RBMS3: variants seen among roughly 807,000 people sequenced by gnomAD.
The protein encoded by RBMS3 is RNA binding motif single stranded interacting protein 3.
In RBMS3, 27 loss-of-function variants were observed where a neutral mutation model predicts 66.8. The observed-to-expected ratio is 0.40, with a 90% CI of 0.30 to 0.56. The LOEUF is 0.56. Among genes scored for constraint, RBMS3 ranks in the 20% least tolerant of loss-of-function variants. RBMS3 has a pLI of 0.40. For synonymous variants in RBMS3, 188 were observed against 183.0 expected, an observed-to-expected ratio of 1.03 and a Z score of -0.22; for missense variants, 513 against 549.5, an observed-to-expected ratio of 0.93 and a Z score of 0.66.
chr3:29,702,351 G>T lies in RBMS3; in HGVS notation c.400-37369G>T, dbSNP rs1420381528. Among the ~76,000 whole-genome samples the T allele has an allele frequency of 5.3e-5, 8 of 152,304 alleles. No homozygotes were observed. The East Asian group carries it at 7.7e-4, about 15-fold the overall frequency. ...TTGTAAACACACCAATCAGCACCCT[G>T]TCAAAACAGACCAATCAGCTCTCTG... On this transcript the variant is annotated intron_variant, in intron 4 of 14. Coordinates refer to ENST00000383767, the MANE Select transcript of RBMS3 (RefSeq NM_001003793.3).
chr3:29,605,815 CT>C (rs575901324), intron 4 of RBMS3, among the ~76,000 whole-genome samples: 215 of 151,798 alleles, frequency 1.4e-3, no homozygotes, highest in African/African-American at 4.8e-3. Flanking sequence ...GATTTGTGTC[CT>C]TTTGTACTAA....
intron 4 of RBMS3, among the ~76,000 whole-genome samples, chr3:29,624,064 C>T (rs1310799027): frequency 6.6e-6 from 1 of 152,138 alleles, no homozygotes; most frequent in East Asian, 1.9e-4. Flanking sequence ...ACACTGATAT[C>T]GAACTTGAAC....
At chr3:29,602,824 G>A (rs9855561) in intron 4 of RBMS3, among the ~76,000 whole-genome samples, 22,186 of 151,788 alleles carry the variant, frequency 0.15, 1,858 homozygotes, top group East Asian at 0.32. Flanking sequence ...ATAACCTATT[G>A]CTTGCATTCA....
chr3:29,446,347 T>A (rs1360890366), intron 2 of RBMS3, among the ~76,000 whole-genome samples: 1 of 152,160 alleles, frequency 6.6e-6, no homozygotes, highest in Admixed American at 6.5e-5. Context: ...TTAAATAAAA[T>A]TCACCTGTAA....
At chr3:29,399,841 C>T (rs2039728866) in intron 1 of RBMS3, among the ~76,000 whole-genome samples, 1 of 152,048 alleles carries the variant, frequency 6.6e-6, no homozygotes, top group Non-Finnish European at 1.5e-5. Context: ...AGGACAATGG[C>T]TAAATCAGCT....
intron 4 of RBMS3, among the ~76,000 whole-genome samples, chr3:29,722,288 A>G (rs951653525): frequency 6.6e-6 from 1 of 152,108 alleles, no homozygotes; most frequent in African/African-American, 2.4e-5. Context: ...ACGTACTAAC[A>G]TCTCTTACAT....
intron 6 of RBMS3, among the ~76,000 whole-genome samples, chr3:29,822,865 G>A (rs1209637319): frequency 6.6e-6 from 1 of 151,936 alleles, no homozygotes; most frequent in African/African-American, 2.4e-5. Context: ...TAGGGTTAGT[G>A]GTAAGAAATA....
intron 2 of RBMS3, among the ~76,000 whole-genome samples, chr3:29,478,642 T>C (rs1375736135): frequency 6.6e-6 from 1 of 152,252 alleles, no homozygotes; most frequent in Non-Finnish European, 1.5e-5. Context: ...TGGTTACATA[T>C]GTTGCAGATT....
At chr3:29,884,942 T>C (rs1432299919) in intron 8 of RBMS3, among the ~76,000 whole-genome samples, 2 of 151,990 alleles carry the variant, frequency 1.3e-5, no homozygotes, top group African/African-American at 4.8e-5. Context: ...GTTGTCTGTC[T>C]TTCAGTCTCA....
At chr3:29,462,157 A>G (rs139015086) in intron 2 of RBMS3, among the ~76,000 whole-genome samples, 76 of 152,004 alleles carry the variant, frequency 5.0e-4, no homozygotes, top group African/African-American at 1.8e-3. Context: ...GAAGAATTAT[A>G]CTCATGGAAG....
At chr3:29,297,131 C>A (rs1378050724) in intron 1 of RBMS3, among the ~76,000 whole-genome samples, 2 of 151,642 alleles carry the variant, frequency 1.3e-5, no homozygotes, top group Non-Finnish European at 3.0e-5. Context: ...TTTGATTCTA[C>A]AACTTGCTTT....
intron 3 of RBMS3, among the ~76,000 whole-genome samples, chr3:29,563,083 G>T (rs976035209): frequency 1.3e-5 from 2 of 152,176 alleles, no homozygotes; most frequent in African/African-American, 4.8e-5. Flanking sequence ...ATGGTCTCCT[G>T]TGATTCTGGC....
chr3:29,998,471 C>T (rs1480362161), intron 14 of RBMS3, among the ~76,000 whole-genome samples: 1 of 151,670 alleles, frequency 6.6e-6, no homozygotes, highest in East Asian at 1.9e-4. Flanking sequence ...AATCCTAAGC[C>T]AAAAGAACAA....
At chr3:29,488,620 C>T (rs967167681) in intron 3 of RBMS3, 121 bp downstream of exon 3, 1 of 707,808 alleles carries the variant, frequency 1.4e-6, no homozygotes, top group African/African-American at 1.9e-5. Context: ...TGGAAAACCT[C>T]TTTAATGATG....
intron 4 of RBMS3, among the ~76,000 whole-genome samples, chr3:29,683,680 C>T (rs1026271478): frequency 1.3e-5 from 2 of 152,160 alleles, no homozygotes; most frequent in Non-Finnish European, 2.9e-5. Context: ...GCTGATAAGG[C>T]GACAGAAAAT....
chr3:29,972,325 C>T (rs1697281830), intron 12 of RBMS3, among the ~76,000 whole-genome samples: 1 of 151,954 alleles, frequency 6.6e-6, no homozygotes, highest in African/African-American at 2.4e-5. Flanking sequence ...TAATTGTTTC[C>T]CTCTAAATAT....
chr3:29,440,477 C>A (rs1408402780), intron 2 of RBMS3, among the ~76,000 whole-genome samples: 1 of 152,148 alleles, frequency 6.6e-6, no homozygotes, highest in East Asian at 1.9e-4. Context: ...TACATATTTC[C>A]AGTCCTTACC....
chr3:29,902,002 C>T (rs2060266302), intron 10 of RBMS3, among the ~76,000 whole-genome samples: 1 of 151,660 alleles, frequency 6.6e-6, no homozygotes, highest in South Asian at 2.1e-4. Flanking sequence ...CCCTATGATA[C>T]TAAAATATAA....
intron 4 of RBMS3, among the ~76,000 whole-genome samples, chr3:29,661,130 T>C (rs753123): frequency 0.26 from 39,379 of 151,944 alleles, 5,305 homozygotes; most frequent in East Asian, 0.36. Context: ...TGCTGGAATT[T>C]GCTGAAATTA....
Sources: gnomAD v4.1 joint callset for allele counts (sites outside exome capture counted in the v4.1 genomes callset) on GRCh38, gnomAD v4.1.1 for gene constraint, MANE v1.5 for transcripts, NCBI Gene and HGNC (gene_info 2026-07-23, HGNC 2026-07-21) for gene names.